Variants in ROBO1 observed in about 807,000 individuals in gnomAD.
ROBO1 encodes roundabout homolog 1.
ROBO1 carries 149 observed loss-of-function variants against 195.9 expected under a neutral mutation model. The observed-to-expected ratio is 0.76, with a 90% CI of 0.67 to 0.87. ROBO1 has a LOEUF of 0.87. Among genes scored for constraint, ROBO1 ranks in the 40% least tolerant of loss-of-function variants. ROBO1 has a pLI of 0.00. For synonymous variants in ROBO1, 816 were observed against 733.2 expected, an observed-to-expected ratio of 1.11 and a Z score of -1.82; for missense variants, 1,933 against 2,068.3, an observed-to-expected ratio of 0.93 and a Z score of 1.27.
chr3:79,448,284 T>C (rs1257405639), intron 2 of ROBO1, among the ~76,000 whole-genome samples: 1 of 152,182 alleles, frequency 6.6e-6, no homozygotes, highest in African/African-American at 2.4e-5. Context: ...AGTATTCCAA[T>C]ATAAGCATAA....
chr3:79,086,038 A>G (rs1273149514), intron 3 of ROBO1, among the ~76,000 whole-genome samples: 3 of 152,174 alleles, frequency 2.0e-5, no homozygotes, highest in African/African-American at 7.2e-5. Context: ...TGCGATAGAC[A>G]TTGAAAGTAA....
At chr3:79,719,650 C>T (rs1447665283) in intron 1 of ROBO1, among the ~76,000 whole-genome samples, 2 of 152,048 alleles carry the variant, frequency 1.3e-5, no homozygotes, top group African/African-American at 4.8e-5. Context: ...GGTTATGTCG[C>T]TTTCATATCA....
intron 2 of ROBO1, among the ~76,000 whole-genome samples, chr3:79,240,947 T>C (rs2082503833): frequency 6.6e-6 from 1 of 152,178 alleles, no homozygotes; most frequent in South Asian, 2.1e-4. Context: ...ATGCCTCATT[T>C]TTTTAACTTT....
intron 3 of ROBO1, among the ~76,000 whole-genome samples, chr3:78,956,480 T>C (rs79017497): frequency 7.7e-4 from 117 of 152,330 alleles, no homozygotes; most frequent in African/African-American, 2.8e-3. Context: ...AAACCAGTTT[T>C]GTTGAAATAT....
chr3:79,407,259 G>T (rs1012645274), intron 2 of ROBO1, among the ~76,000 whole-genome samples: 4 of 152,024 alleles, frequency 2.6e-5, no homozygotes, highest in Non-Finnish European at 4.4e-5. Context: ...TGACATTACA[G>T]AATAGAAGAC....
chr3:78,780,603 C>T (rs452705), intron 4 of ROBO1, among the ~76,000 whole-genome samples: 8,260 of 152,192 alleles, frequency 0.054, 301 homozygotes, highest in Middle Eastern at 0.11. Flanking sequence ...TTTGTTTGCT[C>T]ACCCTGTGGA....
At chr3:79,236,782 G>T (rs1438008409) in intron 2 of ROBO1, among the ~76,000 whole-genome samples, 3 of 152,100 alleles carry the variant, frequency 2.0e-5, no homozygotes, top group Non-Finnish European at 4.4e-5. Context: ...GAAATTATTT[G>T]AAATTAAAGA....
At chr3:78,861,736 T>C (rs1329626182) in intron 4 of ROBO1, among the ~76,000 whole-genome samples, 1 of 152,218 alleles carries the variant, frequency 6.6e-6, no homozygotes, top group African/African-American at 2.4e-5. Flanking sequence ...TAGAAATAAC[T>C]GCAATTTCCT....
At chr3:79,684,193 A>G (rs1041400265) in intron 1 of ROBO1, among the ~76,000 whole-genome samples, 2 of 152,148 alleles carry the variant, frequency 1.3e-5, no homozygotes, top group African/African-American at 4.8e-5. Flanking sequence ...CACTTCCCTA[A>G]TGATTAAAGA....
chr3:79,182,874 G>C (rs1176151843), intron 2 of ROBO1, among the ~76,000 whole-genome samples: 1 of 151,776 alleles, frequency 6.6e-6, no homozygotes, highest in Non-Finnish European at 1.5e-5. Context: ...GGTCAGGAGA[G>C]GAGGTTCACC....
At chr3:79,270,466 G>A (rs749567910) in intron 2 of ROBO1, among the ~76,000 whole-genome samples, 1 of 151,228 alleles carries the variant, frequency 6.6e-6, no homozygotes, top group Non-Finnish European at 1.5e-5. Context: ...TTAGTGGAGT[G>A]GCTCAGTAAA....
intron 1 of ROBO1, among the ~76,000 whole-genome samples, chr3:79,635,720 C>A (rs967241349): frequency 9.2e-5 from 14 of 151,898 alleles, no homozygotes; most frequent in African/African-American, 3.4e-4. Flanking sequence ...GATGTTAAAC[C>A]ATAAGGCAGA....
At chr3:78,980,138 A>G (rs910891565) in intron 3 of ROBO1, among the ~76,000 whole-genome samples, 3 of 152,194 alleles carry the variant, frequency 2.0e-5, no homozygotes, top group African/African-American at 4.8e-5. Context: ...TGTTATAATT[A>G]TATTTAAAAA....
At chr3:79,751,681 A>T (rs1022859873) in intron 1 of ROBO1, among the ~76,000 whole-genome samples, 2 of 152,184 alleles carry the variant, frequency 1.3e-5, no homozygotes, top group African/African-American at 4.8e-5. Context: ...ATCGTATTTC[A>T]ATGTATCTTG....
intron 3 of ROBO1, among the ~76,000 whole-genome samples, chr3:79,103,956 G>C (rs1414671942): frequency 6.6e-6 from 1 of 151,672 alleles, no homozygotes; most frequent in East Asian, 1.9e-4. Flanking sequence ...ACAATGGTTG[G>C]GAGCCTATGA....
chr3:78,651,866 A>ACATCTGAAAT lies in ROBO1; in HGVS notation c.2668_2677dup (p.Val893AspfsTer41). On this transcript the variant is annotated frameshift_variant, in exon 19 of 31. Coordinates refer to ENST00000464233, the MANE Select transcript of ROBO1 (RefSeq NM_002941.4). LOFTEE classifies it high-confidence loss of function. ...TGCTATGAAGGCCGGCTGCTTCACC[A>ACATCTGAAAT]CATCTGAAATCTGCTGAGCGAGGCT... 2 of 1,613,798 alleles carry ACATCTGAAAT rather than the reference A, an allele frequency of 1.2e-6. No individual in the cohort carries two copies. The highest frequency in any genetic ancestry group is 1.7e-6 in the Non-Finnish European group (2 of 1,179,748).
intron 3 of ROBO1, among the ~76,000 whole-genome samples, chr3:79,115,946 A>T (rs73848836): frequency 0.014 from 2,072 of 152,322 alleles, 48 homozygotes; most frequent in African/African-American, 0.046. Flanking sequence ...CTGCTATAAC[A>T]GTATAATGAC....
chr3:79,282,880 T>A lies in ROBO1; in HGVS notation c.89-157341A>T, dbSNP rs573291186. On this transcript the variant is annotated intron_variant, in intron 2 of 30. Coordinates refer to ENST00000464233, the MANE Select transcript of ROBO1 (RefSeq NM_002941.4). ...AAGGATAATATTATTAAAGAAATGA[T>A]AAGACTTAGCTAATAAATAAAATGC... Among the ~76,000 whole-genome samples the A allele has an allele frequency of 3.3e-5, 5 of 152,262 alleles. No homozygotes were observed. The East Asian group carries it at 9.6e-4, about 29-fold the overall frequency.
At chr3:78,793,859 G>A (rs1222355671) in intron 4 of ROBO1, among the ~76,000 whole-genome samples, 2 of 151,574 alleles carry the variant, frequency 1.3e-5, no homozygotes, top group African/African-American at 4.9e-5. Flanking sequence ...TTCTATGACC[G>A]AAAAGACTAA....
Sources: allele counts gnomAD v4.1 joint callset (sites outside exome capture counted in the v4.1 genomes callset), GRCh38; gene constraint gnomAD v4.1.1; transcripts MANE v1.5; gene names NCBI Gene and HGNC (gene_info 2026-07-23, HGNC 2026-07-21).